The following GRM1 variants were observed in gnomAD, a reference collection of about 807,000 sequenced individuals.
The protein encoded by GRM1 is metabotropic glutamate receptor 1.
Under a neutral mutation model 90.9 loss-of-function variants are expected in GRM1, and 33 were observed. The observed-to-expected ratio is 0.36, with a 90% CI of 0.28 to 0.49. The LOEUF (loss-of-function observed/expected upper bound fraction) is 0.49. Among genes scored for constraint, GRM1 ranks in the 20% least tolerant of loss-of-function variants. The pLI, the probability that GRM1 is intolerant of heterozygous loss-of-function variation, is 0.99. For missense variants in GRM1, 1,190 were observed against 1,534.3 expected (o/e 0.78, Z 3.75); for synonymous variants, 700 against 613.2 (o/e 1.14, Z -2.09).
chr6:146,095,847 A>G (rs986839616), intron 1 of GRM1, among the ~76,000 whole-genome samples: 1 of 152,156 alleles, frequency 6.6e-6, no homozygotes, highest in Non-Finnish European at 1.5e-5. Context: ...GCTTCTTAGC[A>G]TCTCTAAAAC....
At chr6:146,178,847 T>C (rs905916796) in intron 2 of GRM1, among the ~76,000 whole-genome samples, 1 of 152,216 alleles carries the variant, frequency 6.6e-6, no homozygotes, top group Non-Finnish European at 1.5e-5. Flanking sequence ...CTGTTCATTA[T>C]GTACATCACC....
intron 1 of GRM1, among the ~76,000 whole-genome samples, chr6:146,123,314 A>G (rs919454680): frequency 5.3e-5 from 8 of 152,198 alleles, no homozygotes; most frequent in African/African-American, 1.9e-4. Context: ...AGTGATTACA[A>G]TTCTTGCAGA....
chr6:146,119,941 T>C (rs1349880208), intron 1 of GRM1, among the ~76,000 whole-genome samples: 1 of 152,214 alleles, frequency 6.6e-6, no homozygotes, highest in East Asian at 1.9e-4. Flanking sequence ...TTTGGTTCCA[T>C]ATTAACTTTA....
intron 3 of GRM1, among the ~76,000 whole-genome samples, chr6:146,342,671 C>A (rs1785025387): frequency 1.3e-5 from 2 of 152,184 alleles, no homozygotes; most frequent in Admixed American, 1.3e-4. Context: ...AATAGAACAG[C>A]ACATGTAAAG....
chr6:146,330,157 C>T (rs1784538256), intron 3 of GRM1, among the ~76,000 whole-genome samples: 1 of 152,160 alleles, frequency 6.6e-6, no homozygotes, highest in African/African-American at 2.4e-5. Context: ...GACTGAACAA[C>T]TCAAAGAACC....
In GRM1 at chr6:146,175,708, C is replaced by G. The variant is rs146053962; in HGVS notation, c.950+16111C>G. ...AAGTTTTTCTTTTTAAAGTCACAAA[C>G]TGGAGTTTTCAGGTCTTCATGCACA... On this transcript the variant is annotated intron_variant, in intron 2 of 7. Transcript: ENST00000282753. Among the ~76,000 whole-genome samples, 425 of 151,878 alleles carry G rather than the reference C, an allele frequency of 2.8e-3. 3 individuals are homozygous for G. The highest frequency in any genetic ancestry group is 9.5e-3 in the African/African-American group (392 of 41,418).
At chr6:146,415,972 A>G (rs945556459) in intron 7 of GRM1, among the ~76,000 whole-genome samples, 1 of 152,204 alleles carries the variant, frequency 6.6e-6, no homozygotes, top group Non-Finnish European at 1.5e-5. Flanking sequence ...ACTACTAGAA[A>G]CAGGGTCTAC....
intron 2 of GRM1, among the ~76,000 whole-genome samples, chr6:146,243,270 T>C (rs1242837996): frequency 6.6e-6 from 1 of 152,108 alleles, no homozygotes; most frequent in Non-Finnish European, 1.5e-5. Flanking sequence ...GGTTTAAGTA[T>C]CTAGTAATGT....
In GRM1 at chr6:146,352,231, T is replaced by C. The variant is rs376563443; in HGVS notation, c.1187-19T>C. On this transcript the variant is annotated intron_variant, in intron 3 of 7. Coordinates refer to ENST00000282753, the MANE Select transcript of GRM1 (RefSeq NM_001278064.2). ...TTTATCATTGTGACCTTGGTAGTGA[T>C]CTATTTTTATTGTTACAGGCAATGA... is the stretch of plus-strand genomic sequence containing the variant. The C allele has an allele frequency of 6.2e-7, 1 of 1,612,248 alleles. No individual in the cohort carries two copies. The highest frequency in any genetic ancestry group is 1.3e-5 in the African/African-American group (1 of 74,900).
intron 1 of GRM1, among the ~76,000 whole-genome samples, chr6:146,123,102 C>G (rs1022190983): frequency 6.6e-6 from 1 of 152,092 alleles, no homozygotes; most frequent in Non-Finnish European, 1.5e-5. Context: ...CTCGGCCTCT[C>G]AAAGTGCTGG....
At chr6:146,338,322 G>A (rs1784849679) in intron 3 of GRM1, among the ~76,000 whole-genome samples, 1 of 152,212 alleles carries the variant, frequency 6.6e-6, no homozygotes, top group Admixed American at 6.5e-5. Flanking sequence ...AGACAGAGCA[G>A]GGTTGAAGTT....
intron 2 of GRM1, among the ~76,000 whole-genome samples, chr6:146,286,781 C>T (rs1003619451): frequency 6.6e-5 from 10 of 152,148 alleles, no homozygotes; most frequent in African/African-American, 2.4e-4. Flanking sequence ...TACAAAAGAA[C>T]CACGGTGATA....
chr6:146,261,395 G>A (rs369710186), intron 2 of GRM1, among the ~76,000 whole-genome samples: 2 of 152,064 alleles, frequency 1.3e-5, no homozygotes, highest in South Asian at 4.1e-4. Context: ...TTCTAATCTG[G>A]AGCATAGAGT....
intron 2 of GRM1, among the ~76,000 whole-genome samples, chr6:146,272,471 G>A (rs979540881): frequency 2.6e-5 from 4 of 152,166 alleles, no homozygotes; most frequent in Non-Finnish European, 4.4e-5. Flanking sequence ...CTTTTATAGT[G>A]CCTAGAATAG....
At position 146,035,838 on chromosome 6, in the gene GRM1, G is replaced by A. The variant is rs141664570; in HGVS notation, c.700+5621G>A. Among the ~76,000 whole-genome samples the A allele has an allele frequency of 1.5e-3, 231 of 151,946 alleles. 4 individuals carry two copies. In the East Asian group the frequency reaches 0.043, roughly 28 times the overall value. On this transcript the variant is annotated intron_variant, in intron 1 of 7. Transcript: ENST00000282753. ...AACTCATTTTTAAAGTCATTAATCA[G>A]TATTTAGCAAACAGCTATTATGTGC... is the stretch of plus-strand genomic sequence containing the variant.
At chr6:146,396,090 A>ATCTATCTATCTG (rs1443951117) in intron 6 of GRM1, among the ~76,000 whole-genome samples, 243 of 150,658 alleles carry the variant, frequency 1.6e-3, no homozygotes, top group South Asian at 2.7e-3. Flanking sequence ...CTATCTATCT[A>ATCTATCTATCTG]TCTATCTATC....
chr6:146,434,923 T>C lies in GRM1; in HGVS notation c.*127T>C, dbSNP rs550713400. On this transcript the variant is annotated 3_prime_UTR_variant, in exon 8 of 8. Transcript: ENST00000282753. ...CGTCGGGAGGACAGGAGACCGCTGC[T>C]GCTGCTGCCGCTACTGCTGCTGCTG... The C allele has an allele frequency of 1.2e-6, 1 of 804,738 alleles. No homozygotes were observed. Among genetic ancestry groups the C allele is most frequent in the Non-Finnish European group, 2.1e-6 (1 of 477,722 alleles). The allele number at this position is 804,738 out of a possible 1,614,324, so 49.8% of individuals were successfully genotyped here. A position where few individuals can be genotyped will look rare whatever the true frequency, so the allele number is the denominator to read the frequency against.
chr6:146,071,135 A>G (rs1209985654), intron 1 of GRM1, among the ~76,000 whole-genome samples: 7 of 152,130 alleles, frequency 4.6e-5, no homozygotes. Flanking sequence ...TTACATTGAC[A>G]GGAATTTCTT....
At chr6:146,369,554 C>T (rs1775821032) in intron 5 of GRM1, among the ~76,000 whole-genome samples, 1 of 151,428 alleles carries the variant, frequency 6.6e-6, no homozygotes, top group African/African-American at 2.4e-5. Context: ...TTTAAATTTT[C>T]TTCTTAATTT....
Sources: allele counts gnomAD v4.1 joint callset (sites outside exome capture counted in the v4.1 genomes callset), GRCh38; gene constraint gnomAD v4.1.1; transcripts MANE v1.5; gene names NCBI Gene and HGNC (gene_info 2026-07-23, HGNC 2026-07-21).